The following CSMD1 variants were observed in gnomAD, a reference collection of about 807,000 sequenced individuals.
The protein encoded by CSMD1 is CUB and Sushi multiple domains 1.
A neutral mutation model predicts 417.5 loss-of-function variants in CSMD1; 213 were observed. The ratio of observed to expected loss-of-function variants is 0.51; its 90% confidence interval spans 0.46 to 0.57. The LOEUF (loss-of-function observed/expected upper bound fraction) is 0.57. Among genes scored for constraint, CSMD1 ranks in the 20% least tolerant of loss-of-function variants. CSMD1 has a pLI of 0.00. For synonymous variants in CSMD1, 2,862 were observed against 1,736.8 expected, an observed-to-expected ratio of 1.65 and a Z score of -16.11; for missense variants, 6,923 against 4,529.7, an observed-to-expected ratio of 1.53 and a Z score of -15.17.
intron 2 of CSMD1, among the ~76,000 whole-genome samples, chr8:4,552,478 T>C (rs1797916823): frequency 6.6e-6 from 1 of 152,116 alleles, no homozygotes; most frequent in Non-Finnish European, 1.5e-5. Flanking sequence ...ACAGATTTAT[T>C]GGGTGGGAAA....
chr8:3,744,372 G>C (rs973887415), intron 6 of CSMD1, among the ~76,000 whole-genome samples: 1 of 152,066 alleles, frequency 6.6e-6, no homozygotes, highest in African/African-American at 2.4e-5. Context: ...GGGCACAGCA[G>C]GACCAGATTT....
At chr8:4,475,115 T>G (rs922388349) in intron 2 of CSMD1, among the ~76,000 whole-genome samples, 2 of 152,202 alleles carry the variant, frequency 1.3e-5, no homozygotes, top group African/African-American at 4.8e-5. Context: ...ATATGTGTTT[T>G]AGGATGCTTT....
Position 4,994,533 on chromosome 8 carries a change from C to A in CSMD1, c.-117G>T. ...GCGAGCCGGAGAGAGAGCCCGGTCCCAAGACCCGCCGCGCATCCGACGCCT... is the reference window on the plus strand; with the variant it reads ...GCGAGCCGGAGAGAGAGCCCGGTCCAAAGACCCGCCGCGCATCCGACGCCT... On this transcript the variant is annotated 5_prime_UTR_variant, in exon 1 of 70. Coordinates refer to ENST00000635120, the MANE Select transcript of CSMD1 (RefSeq NM_033225.6). The A allele has an allele frequency of 1.1e-6, 1 of 911,000 alleles. No individual in the cohort carries two copies. The highest frequency in any genetic ancestry group is 1.7e-6 in the Non-Finnish European group (1 of 591,860). 56.4% of individuals were successfully genotyped at this position (911,000 alleles called of 1,614,324 possible).
intron 1 of CSMD1, among the ~76,000 whole-genome samples, chr8:4,867,586 C>G (rs1802491561): frequency 1.3e-5 from 2 of 152,022 alleles, no homozygotes; most frequent in Admixed American, 6.5e-5. Flanking sequence ...TCGCTTTTTT[C>G]ATCAGCGCTG....
rs758087534 is a variant in CSMD1 at position 3,359,302 on chromosome 8, C to G, written c.3154G>C (p.Ala1052Pro). 3.1e-6 allele frequency: 5 copies of G among 1,613,688 alleles called. No homozygotes were observed. The South Asian group carries it at 4.4e-5, about 14-fold the overall frequency. ...LEPCDDPGVP[A>P]FSRRIGFHFG... ...TGAAAACCAATTCTTCGGCTGAAGG[C>G]AGGGACTCCAGGATCATCACATGGC... The change falls in exon 21 of 70, where the codon GCC becomes CCC. Residue 1052 changes from alanine to proline, a missense_variant. Transcript: ENST00000635120.
intron 2 of CSMD1, among the ~76,000 whole-genome samples, chr8:4,487,045 A>C (rs1046425817): frequency 1.3e-5 from 2 of 152,164 alleles, no homozygotes. Flanking sequence ...GAATTGTAAT[A>C]TCTTTCCGCT....
rs556729502 is a variant in CSMD1 at position 3,342,346 on chromosome 8, G to T, written c.3631+948C>A. Among the ~76,000 whole-genome samples the T allele has an allele frequency of 5.9e-5, 9 of 152,190 alleles. No individual in the cohort carries two copies. In the East Asian group the frequency reaches 1.5e-3, roughly 26 times the overall value. On this transcript the variant is annotated intron_variant, in intron 23 of 69. Coordinates refer to ENST00000635120, the MANE Select transcript of CSMD1 (RefSeq NM_033225.6). ...TTTTTTGCCTATCCATCAAATAAAG[G>T]TATCCATCACTAACATACTTTTATG...
intron 29 of CSMD1, 54 bp downstream of exon 29, chr8:3,219,201 A>G (rs1192660652): frequency 2.8e-6 from 4 of 1,431,112 alleles, no homozygotes; most frequent in Non-Finnish European, 3.8e-6. Context: ...TGCCTACAAT[A>G]AAAACAGTCC....
intron 3 of CSMD1, among the ~76,000 whole-genome samples, chr8:4,172,170 G>A (rs953831825): frequency 2.0e-5 from 3 of 152,082 alleles, no homozygotes; most frequent in Non-Finnish European, 2.9e-5. Context: ...AGAAGTGTTT[G>A]TGCCTTTTAA....
intron 1 of CSMD1, among the ~76,000 whole-genome samples, chr8:4,951,784 T>C (rs1808765806): frequency 6.6e-6 from 1 of 151,696 alleles, no homozygotes; most frequent in African/African-American, 2.4e-5. Flanking sequence ...TTAATATCTC[T>C]GGTGAAAGAT....
At chr8:4,560,849 C>A (rs1421855928) in intron 2 of CSMD1, among the ~76,000 whole-genome samples, 1 of 152,184 alleles carries the variant, frequency 6.6e-6, no homozygotes. Flanking sequence ...TGTTCACCAG[C>A]AAATCTCTTG....
At chr8:4,667,616 C>T (rs988609380) in intron 1 of CSMD1, among the ~76,000 whole-genome samples, 6 of 151,970 alleles carry the variant, frequency 3.9e-5, no homozygotes, top group Admixed American at 3.3e-4. Context: ...TGTATTGGAA[C>T]GCTATTGCAT....
At chr8:3,331,217 G>C (rs542090517) in intron 23 of CSMD1, among the ~76,000 whole-genome samples, 1 of 136,974 alleles carries the variant, frequency 7.3e-6, no homozygotes, top group Non-Finnish European at 1.5e-5. Context: ...CAGCCTGGCC[G>C]ACAGAACGAG....
At chr8:4,868,382 A>G (rs1802540237) in intron 1 of CSMD1, among the ~76,000 whole-genome samples, 1 of 152,076 alleles carries the variant, frequency 6.6e-6, no homozygotes, top group Admixed American at 6.5e-5. Flanking sequence ...TGACAGGTGC[A>G]CACCACTACA....
At chr8:3,303,866 C>T (rs979926139) in intron 25 of CSMD1, among the ~76,000 whole-genome samples, 1 of 152,042 alleles carries the variant, frequency 6.6e-6, no homozygotes, top group African/African-American at 2.4e-5. Flanking sequence ...CAGGTAACTG[C>T]TCTATAGCAT....
chr8:4,002,068 A>G (rs947595256), intron 4 of CSMD1, among the ~76,000 whole-genome samples: 1 of 152,208 alleles, frequency 6.6e-6, no homozygotes, highest in African/African-American at 2.4e-5. Context: ...AAGATTATTA[A>G]GATAGTCTGA....
intron 8 of CSMD1, among the ~76,000 whole-genome samples, chr8:3,590,516 C>G (rs187096240): frequency 3.7e-4 from 56 of 152,266 alleles, no homozygotes; most frequent in African/African-American, 7.2e-5. Flanking sequence ...CACCTGGTAT[C>G]ACAAGCTAGT....
intron 5 of CSMD1, among the ~76,000 whole-genome samples, chr8:3,973,689 G>A (rs999343497): frequency 6.6e-6 from 1 of 152,162 alleles, no homozygotes; most frequent in Non-Finnish European, 1.5e-5. Flanking sequence ...GGCAACAGAG[G>A]TGTGAATGCA....
chr8:4,464,885 T>G (rs1197120765), intron 2 of CSMD1, among the ~76,000 whole-genome samples: 3 of 152,084 alleles, frequency 2.0e-5, no homozygotes, highest in African/African-American at 4.8e-5. Context: ...TTTTTATTAG[T>G]TTTTATTAGT....
Sources: allele counts gnomAD v4.1 joint callset (sites outside exome capture counted in the v4.1 genomes callset), GRCh38; gene constraint gnomAD v4.1.1; transcripts MANE v1.5; gene names NCBI Gene and HGNC (gene_info 2026-07-23, HGNC 2026-07-21).